PTPRD: variants seen among roughly 807,000 people sequenced by gnomAD.
PTPRD encodes the protein protein tyrosine phosphatase receptor type D, also known as receptor-type tyrosine-protein phosphatase delta.
A neutral mutation model predicts 214.5 loss-of-function variants in PTPRD; 34 were observed. The observed-to-expected ratio is 0.16, with a 90% CI of 0.12 to 0.21. The LOEUF (loss-of-function observed/expected upper bound fraction) is 0.21. Among genes scored for constraint, PTPRD ranks in the 10% least tolerant of loss-of-function variants. PTPRD has a pLI of 1.00. For synonymous variants in PTPRD, 1,128 were observed against 845.7 expected (o/e 1.33, Z -5.79); for missense variants, 2,545 against 2,398.7 (o/e 1.06, Z -1.27).
At chr9:9,171,578 A>G (rs992681184) in intron 10 of PTPRD, among the ~76,000 whole-genome samples, 9 of 152,014 alleles carry the variant, frequency 5.9e-5, no homozygotes, top group Non-Finnish European at 1.3e-4. Context: ...ACAATCATGA[A>G]TACGTGGAAA....
intron 9 of PTPRD, among the ~76,000 whole-genome samples, chr9:9,234,242 T>C (rs987231852): frequency 1.3e-5 from 2 of 152,216 alleles, no homozygotes; most frequent in African/African-American, 4.8e-5. Context: ...ACTTGCATCA[T>C]CTGAAGCCAT....
chr9:8,951,632 AG>A (rs1470178898), intron 11 of PTPRD, among the ~76,000 whole-genome samples: 1 of 151,950 alleles, frequency 6.6e-6, no homozygotes, highest in East Asian at 1.9e-4. Flanking sequence ...CCAGTTACTC[AG>A]GCCAGAAACC....
At chr9:10,236,707 A>C (rs1224071837) in intron 3 of PTPRD, among the ~76,000 whole-genome samples, 2 of 151,966 alleles carry the variant, frequency 1.3e-5, no homozygotes, top group Non-Finnish European at 1.5e-5. Context: ...CTCTAAGCTC[A>C]ACTATGACAT....
intron 14 of PTPRD, among the ~76,000 whole-genome samples, chr9:8,545,933 G>GCT (rs2079996301): frequency 6.6e-6 from 1 of 152,194 alleles, no homozygotes; most frequent in Admixed American, 6.5e-5. Context: ...ACGTAGAAGT[G>GCT]CTCACTTTGT....
chr9:8,992,162 C>G (rs2099373657), intron 11 of PTPRD, among the ~76,000 whole-genome samples: 1 of 152,054 alleles, frequency 6.6e-6, no homozygotes, highest in Admixed American at 6.6e-5. Flanking sequence ...GTGGAAATAA[C>G]TATTTAACCC....
At chr9:8,830,351 TAATC>T (rs2097263148) in intron 11 of PTPRD, among the ~76,000 whole-genome samples, 2 of 152,194 alleles carry the variant, frequency 1.3e-5, no homozygotes, top group South Asian at 4.2e-4. Flanking sequence ...TGAGGGAAAA[TAATC>T]AAAGGATTAA....
At chr9:9,150,700 C>T (rs1330960021) in intron 10 of PTPRD, among the ~76,000 whole-genome samples, 1 of 151,980 alleles carries the variant, frequency 6.6e-6, no homozygotes, top group Admixed American at 6.6e-5. Context: ...TCTCAAACTC[C>T]TGACCTCAGG....
intron 14 of PTPRD, among the ~76,000 whole-genome samples, chr9:8,570,263 TC>T (rs1222606703): frequency 6.6e-6 from 1 of 152,114 alleles, no homozygotes; most frequent in African/African-American, 2.4e-5. Context: ...TTATTGCACT[TC>T]AGTAACATAC....
chr9:9,514,613 A>G (rs992765549), intron 8 of PTPRD, among the ~76,000 whole-genome samples: 1 of 152,088 alleles, frequency 6.6e-6, no homozygotes. Flanking sequence ...TTTAGAAGAA[A>G]TTGTCACATC....
At chr9:9,665,931 G>A (rs913040637) in intron 7 of PTPRD, among the ~76,000 whole-genome samples, 3 of 151,840 alleles carry the variant, frequency 2.0e-5, no homozygotes, top group Non-Finnish European at 4.4e-5. Flanking sequence ...ACCAAAGAAT[G>A]TATATAAAGT....
At chr9:8,682,980 A>G (rs908498774) in intron 12 of PTPRD, among the ~76,000 whole-genome samples, 6 of 152,188 alleles carry the variant, frequency 3.9e-5, no homozygotes, top group African/African-American at 1.4e-4. Flanking sequence ...AAAAGTGTCT[A>G]AAGGCTTTTA....
chr9:9,742,572 T>A (rs966235714), intron 6 of PTPRD, among the ~76,000 whole-genome samples: 1 of 152,138 alleles, frequency 6.6e-6, no homozygotes, highest in African/African-American at 2.4e-5. Flanking sequence ...GTAGCTCTTG[T>A]TTAGGAACAT....
intron 11 of PTPRD, among the ~76,000 whole-genome samples, chr9:8,773,573 C>T (rs2095330850): frequency 6.6e-6 from 1 of 152,150 alleles, no homozygotes; most frequent in Non-Finnish European, 1.5e-5. Context: ...CCCTATCCTA[C>T]TTGCTCAAAG....
intron 10 of PTPRD, among the ~76,000 whole-genome samples, chr9:9,023,778 A>G (rs2099577529): frequency 6.6e-6 from 1 of 151,714 alleles, no homozygotes; most frequent in Non-Finnish European, 1.5e-5. Context: ...CTTGTTCGTG[A>G]GTTAGTCTGC....
At chr9:8,793,138 A>G (rs1325407503) in intron 11 of PTPRD, among the ~76,000 whole-genome samples, 1 of 152,132 alleles carries the variant, frequency 6.6e-6, no homozygotes, top group African/African-American at 2.4e-5. Flanking sequence ...CTATGCACAT[A>G]TTGTCTGTAG....
At chr9:9,118,520 G>T (rs2099814468) in intron 10 of PTPRD, among the ~76,000 whole-genome samples, 1 of 152,118 alleles carries the variant, frequency 6.6e-6, no homozygotes. Context: ...TTTATGTCAA[G>T]AATCTAAATA....
chr9:8,379,790 C>T (rs191253739), intron 37 of PTPRD, among the ~76,000 whole-genome samples: 8 of 152,216 alleles, frequency 5.3e-5, no homozygotes, highest in Middle Eastern at 3.4e-3. Flanking sequence ...AATACGAATA[C>T]GGTTTTTTGC....
intron 2 of PTPRD, among the ~76,000 whole-genome samples, chr9:10,476,177 A>G (rs1185105736): frequency 6.6e-6 from 1 of 152,170 alleles, no homozygotes; most frequent in East Asian, 1.9e-4. Flanking sequence ...TCAAATGGGA[A>G]AAGAGGAAGT....
At chr9:9,773,167 C>T (rs1301127439) in intron 5 of PTPRD, among the ~76,000 whole-genome samples, 1 of 152,104 alleles carries the variant, frequency 6.6e-6, no homozygotes. Context: ...TATATTAATA[C>T]AAGAAAATCA....
Sources: allele counts gnomAD v4.1 joint callset (sites outside exome capture counted in the v4.1 genomes callset), GRCh38; gene constraint gnomAD v4.1.1; transcripts MANE v1.5; gene names NCBI Gene and HGNC (gene_info 2026-07-23, HGNC 2026-07-21).